CSMD3: variants seen among roughly 807,000 people sequenced by gnomAD.
CSMD3 encodes the protein CUB and Sushi multiple domains 3.
Under a neutral mutation model 435.2 loss-of-function variants are expected in CSMD3, and 177 were observed. The observed-to-expected ratio is 0.41, with a 90% confidence interval of 0.36 to 0.46. The LOEUF (loss-of-function observed/expected upper bound fraction) is 0.46, where lower values mean the gene tolerates loss of function less well. Among genes scored for constraint, CSMD3 ranks in the 20% least tolerant of loss-of-function variants. The pLI is 0.34. For missense variants in CSMD3, 4,265 were observed against 4,504.6 expected (o/e 0.95, Z 1.52); for synonymous variants, 1,656 against 1,520.5 (o/e 1.09, Z -2.07).
At chr8:112,782,829 T>C (rs2078426294) in intron 13 of CSMD3, among the ~76,000 whole-genome samples, 1 of 151,732 alleles carries the variant, frequency 6.6e-6, no homozygotes, top group African/African-American at 2.4e-5. Context: ...AAATCTATAG[T>C]AGTATACCCA....
chr8:113,090,165 G>T (rs577058525), intron 5 of CSMD3, among the ~76,000 whole-genome samples: 2 of 152,098 alleles, frequency 1.3e-5, no homozygotes, highest in South Asian at 4.1e-4. Flanking sequence ...GGATTTTGGG[G>T]CTAAAATATT....
chr8:112,485,282 ATC>A (rs1820015721), intron 31 of CSMD3, among the ~76,000 whole-genome samples: 1 of 152,110 alleles, frequency 6.6e-6, no homozygotes, highest in African/African-American at 2.4e-5. Context: ...CCAACACATA[ATC>A]TGTGTATTTT....
At chr8:113,138,942 G>T (rs1037345445) in intron 4 of CSMD3, among the ~76,000 whole-genome samples, 1 of 150,724 alleles carries the variant, frequency 6.6e-6, no homozygotes, top group South Asian at 2.1e-4. Flanking sequence ...ATTGTATTAT[G>T]TTTACAAATA....
intron 38 of CSMD3, among the ~76,000 whole-genome samples, chr8:112,374,661 A>G (rs1425139176): frequency 1.3e-5 from 2 of 152,184 alleles, no homozygotes; most frequent in African/African-American, 4.8e-5. Flanking sequence ...GTTTTCAAAT[A>G]ATAATGTTCC....
At chr8:112,457,267 T>C (rs1163342945) in intron 32 of CSMD3, among the ~76,000 whole-genome samples, 1 of 152,060 alleles carries the variant, frequency 6.6e-6, no homozygotes, top group African/African-American at 2.4e-5. Flanking sequence ...CTATTTATTT[T>C]GTACCACCAA....
intron 1 of CSMD3, among the ~76,000 whole-genome samples, chr8:113,388,735 A>G (rs2094449572): frequency 6.6e-6 from 1 of 151,616 alleles, no homozygotes; most frequent in African/African-American, 2.4e-5. Context: ...TTACCAGCAT[A>G]CATTCCTTTA....
At chr8:113,390,393 T>G (rs1007821137) in intron 1 of CSMD3, among the ~76,000 whole-genome samples, 23 of 151,834 alleles carry the variant, frequency 1.5e-4, no homozygotes, top group Non-Finnish European at 1.5e-5. Flanking sequence ...AAGAAATATT[T>G]TTATACTTTA....
Position 112,335,467 on chromosome 8 carries a change from G to T in CSMD3, c.7027C>A (p.Pro2343Thr). 6.2e-7 allele frequency: 1 copy of T among 1,613,876 alleles called. No individual in the cohort carries two copies. The highest frequency in any genetic ancestry group is 8.5e-7 in the Non-Finnish European group (1 of 1,179,864). ...IYDFITVWDG[P>T]DQNSPQIGQF... ...CCGATCTGAGGTGAATTTTGGTCTG[G>T]TCCATCCCTATGAGACAAGGATTGG... Residue 2343 changes from proline to threonine, a missense_variant, in exon 45 of 71, where the codon CCA (proline) becomes ACA (threonine). Pro to Thr is a conservative substitution (Grantham distance 38). Transcript: ENST00000297405.
intron 38 of CSMD3, among the ~76,000 whole-genome samples, chr8:112,361,284 A>G (rs1827176427): frequency 6.6e-6 from 1 of 151,758 alleles, no homozygotes; most frequent in Admixed American, 6.6e-5. Flanking sequence ...TAGCCAAAAA[A>G]AAGAAAAATC....
intron 35 of CSMD3, among the ~76,000 whole-genome samples, chr8:112,393,857 G>A (rs1830647415): frequency 6.7e-6 from 1 of 149,998 alleles, no homozygotes; most frequent in Admixed American, 6.7e-5. Flanking sequence ...TACTCTCCTG[G>A]TTTTCTTCTC....
chr8:113,428,761 T>C (rs1206061894), intron 1 of CSMD3, among the ~76,000 whole-genome samples: 2 of 151,876 alleles, frequency 1.3e-5, no homozygotes, highest in Admixed American at 1.3e-4. Context: ...GTCAATCAGA[T>C]AAACTTGTAT....
chr8:112,889,639 GA>G (rs2081722109), intron 10 of CSMD3, among the ~76,000 whole-genome samples: 1 of 151,660 alleles, frequency 6.6e-6, no homozygotes, highest in Admixed American at 6.6e-5. Context: ...ATTGAATTAA[GA>G]GCAGGCAAAT....
intron 3 of CSMD3, among the ~76,000 whole-genome samples, chr8:113,237,064 A>C (rs997484186): frequency 2.0e-5 from 3 of 152,262 alleles, no homozygotes; most frequent in Admixed American, 6.5e-5. Context: ...GCTTGACAAT[A>C]TTCTGTGCAG....
intron 5 of CSMD3, among the ~76,000 whole-genome samples, chr8:113,079,130 T>C (rs1206069235): frequency 1.3e-5 from 2 of 152,184 alleles, no homozygotes; most frequent in Non-Finnish European, 2.9e-5. Flanking sequence ...AGAGTAATTA[T>C]TATCTCTAAT....
At chr8:113,422,802 T>C (rs1002193312) in intron 1 of CSMD3, among the ~76,000 whole-genome samples, 1 of 152,012 alleles carries the variant, frequency 6.6e-6, no homozygotes. Flanking sequence ...TTAAATTGAG[T>C]TTTTAATTAT....
chr8:112,648,879 G>C (rs1055988272), intron 19 of CSMD3, among the ~76,000 whole-genome samples: 4 of 152,146 alleles, frequency 2.6e-5, no homozygotes, highest in Non-Finnish European at 4.4e-5. Context: ...ATGAGCACAT[G>C]ACCAAGACAA....
intron 4 of CSMD3, among the ~76,000 whole-genome samples, chr8:113,136,991 T>A (rs1564355346): frequency 6.6e-6 from 1 of 151,642 alleles, no homozygotes; most frequent in Non-Finnish European, 1.5e-5. Context: ...GTATAGATAT[T>A]GAGAAAGTTT....
At chr8:112,897,439 G>T (rs2081979010) in intron 10 of CSMD3, among the ~76,000 whole-genome samples, 1 of 151,262 alleles carries the variant, frequency 6.6e-6, no homozygotes, top group Non-Finnish European at 1.5e-5. Context: ...AGTGAAGGGA[G>T]AAGGGAAATA....
chr8:112,411,815 T>G (rs1203530170), intron 32 of CSMD3, among the ~76,000 whole-genome samples: 2 of 152,216 alleles, frequency 1.3e-5, no homozygotes, highest in South Asian at 2.1e-4. Flanking sequence ...ATGTTCTGAA[T>G]AGCCAAAGGT....
Sources: gnomAD v4.1 joint callset for allele counts (sites outside exome capture counted in the v4.1 genomes callset) on GRCh38, gnomAD v4.1.1 for gene constraint, MANE v1.5 for transcripts, NCBI Gene and HGNC (gene_info 2026-07-23, HGNC 2026-07-21) for gene names.